UNC5A: variants seen among roughly 807,000 people sequenced by gnomAD.
The protein encoded by UNC5A is unc-5 netrin receptor A.
In UNC5A, 20 loss-of-function variants were observed where a neutral mutation model predicts 87.4. The ratio of observed to expected loss-of-function variants is 0.23; its 90% CI spans 0.16 to 0.33. UNC5A has a LOEUF of 0.33. Ranked by LOEUF, UNC5A falls within the 10% of genes least tolerant of loss-of-function variation. The pLI is 1.00. For missense variants in UNC5A, 844 were observed against 1,133.4 expected (o/e 0.74, Z 3.67); for synonymous variants, 438 against 482.3 (o/e 0.91, Z 1.20).
At position 176,869,441 on chromosome 5, in the gene UNC5A, G is replaced by A. The variant is rs1758056615; in HGVS notation, c.721+477G>A. ...GAAGACTGTGGCGTGCGTGCTGCAG[G>A]GCCCGGGGGCCAGCAGGCACGAGCA... On this transcript the variant is annotated intron_variant, in intron 5 of 14. Transcript: ENST00000329542. This position sits in a 1 kb window ranked among gnomAD's most constrained non-coding sequence, Gnocchi z 9.1. Among the ~76,000 whole-genome samples the A allele has an allele frequency of 2.0e-5, 3 of 152,112 alleles. No homozygotes were observed. The highest frequency in any genetic ancestry group is 2.0e-4 in the Admixed American group (3 of 15,290).
intron 9 of UNC5A, 32 bp from the exon 10 acceptor site, chr5:176,877,503 T>C: frequency 4.5e-6 from 7 of 1,559,392 alleles, no homozygotes; most frequent in Non-Finnish European, 6.1e-6. Context: ...CACTGACACC[T>C]TTCCCTCCCC....
intron 1 of UNC5A, among the ~76,000 whole-genome samples, chr5:176,847,893 A>G (rs1315239448): frequency 8.8e-6 from 1 of 113,620 alleles, no homozygotes; most frequent in Non-Finnish European, 1.7e-5. Context: ...CTGCCCTTCC[A>G]CAGCCCAGAT....
rs779395444 is a variant in UNC5A at position 176,879,415 on chromosome 5, A to G, written c.2290A>G (p.Ile764Val). 6.2e-7 allele frequency: 1 copy of G among 1,612,604 alleles called. No individual in the cohort carries two copies. The highest frequency in any genetic ancestry group is 1.3e-5 in the African/African-American group (1 of 74,908). ...KIPFLIRQKIISSLDPPCRRG... is the reference protein window; with the variant it reads ...KIPFLIRQKIVSSLDPPCRRG... ...CCCCTTCCTCATTCGGCAGAAGATA[A>G]TTTCCAGCCTGGACCCACCCTGTAG... is the stretch of plus-strand genomic sequence containing the variant. The change falls in exon 14 of 15, where the codon ATT becomes GTT. Residue 764 changes from isoleucine (I) to valine (V), a missense_variant. Transcript: ENST00000329542.
Position 176,874,703 on chromosome 5 carries a change from C to A in UNC5A, c.1378+137C>A. 9.6e-7 allele frequency: 1 copy of A among 1,045,606 alleles called. No individual in the cohort carries two copies. Among genetic ancestry groups the A allele is most frequent in the Non-Finnish European group, 1.3e-6 (1 of 755,104 alleles). 64.8% of individuals were successfully genotyped at this position (1,045,606 alleles called of 1,614,324 possible). A position where few individuals can be genotyped will look rare whatever the true frequency, so the allele number is the denominator to read the frequency against. ...AAGGGGGTGGAGTTTTGGGGAGAAC[C>A]CAGTCTTGGCTGGCACCGAGGCCGT... On this transcript the variant is annotated intron_variant, in intron 8 of 14. Coordinates refer to ENST00000329542, the MANE Select transcript of UNC5A (RefSeq NM_133369.3). This position sits in a 1 kb window ranked among gnomAD's most constrained non-coding sequence, Gnocchi z 7.6.
intron 6 of UNC5A, among the ~76,000 whole-genome samples, chr5:176,873,750 G>T (rs1224301656): frequency 6.6e-6 from 1 of 152,194 alleles, no homozygotes; most frequent in Non-Finnish European, 1.5e-5. Flanking sequence ...AGCCCACGAG[G>T]AATGTGATTT....
intron 1 of UNC5A, among the ~76,000 whole-genome samples, chr5:176,827,448 G>T (rs561393758): frequency 1.1e-4 from 17 of 152,284 alleles, no homozygotes; most frequent in Non-Finnish European, 2.4e-4. Flanking sequence ...CTCCCAAAGT[G>T]CTGGGATTAC....
rs560017554 is a variant in UNC5A at position 176,826,825 on chromosome 5, G to A, written c.70+16005G>A. On this transcript the variant is annotated intron_variant, in intron 1 of 14. Transcript: ENST00000329542. The stretch of plus-strand genomic sequence containing the variant: ...CCAGCTATTTTTTGTATTTTTGGTA[G>A]AGACGGGATTTCACTGTGTTTGCCA... 3.3e-5 allele frequency among the ~76,000 whole-genome samples: 5 copies of A among 152,076 alleles called. No individual in the cohort carries two copies. The East Asian group carries it at 9.7e-4, about 29-fold the overall frequency.
chr5:176,831,883 C>CTTTTTTTTTTTTTTT (rs1285414321), intron 1 of UNC5A, among the ~76,000 whole-genome samples: 2 of 115,312 alleles, frequency 1.7e-5, no homozygotes, highest in African/African-American at 7.3e-5. Context: ...CTTTCTCTCT[C>CTTTTTTTTTTTTTTT]TCTTTTTTTT....
At chr5:176,855,647 A>G (rs555729293) in intron 1 of UNC5A, among the ~76,000 whole-genome samples, 1 of 152,356 alleles carries the variant, frequency 6.6e-6, no homozygotes, top group African/African-American at 2.4e-5. Context: ...CGAGGCCAGC[A>G]GGGCCTCAAA....
In UNC5A at chr5:176,869,024, A is replaced by G; in HGVS notation, c.721+60A>G. Reference sequence around the variant, plus strand: ...CACTGCGGTGCCCCTGGGCAGTGACATGTGGCTGGTGGGGTGAAGAGAGGC... The same window carrying G: ...CACTGCGGTGCCCCTGGGCAGTGACGTGTGGCTGGTGGGGTGAAGAGAGGC... On this transcript the variant is annotated intron_variant, in intron 5 of 14. Transcript: ENST00000329542. This position sits in a 1 kb window ranked among gnomAD's most constrained non-coding sequence, Gnocchi z 9.1. The G allele has an allele frequency of 6.6e-7, 1 of 1,521,096 alleles. No homozygotes were observed. Among genetic ancestry groups the G allele is most frequent in the Non-Finnish European group, 8.8e-7 (1 of 1,132,072 alleles). The allele number at this position is 1,521,096 out of a possible 1,614,324, so 94.2% of individuals were successfully genotyped here.
intron 1 of UNC5A, among the ~76,000 whole-genome samples, chr5:176,827,013 C>T (rs2113597814): frequency 6.6e-6 from 1 of 152,106 alleles, no homozygotes; most frequent in East Asian, 1.9e-4. Flanking sequence ...CAGCCCCTGG[C>T]AAACAGCAAC....
At chr5:176,828,645 G>A (rs692843) in intron 1 of UNC5A, among the ~76,000 whole-genome samples, 114,490 of 152,202 alleles carry the variant, frequency 0.75, 49,725 homozygotes, top group Non-Finnish European at 0.95. Context: ...TCTTCATGGC[G>A]TTTATCCACA....
At position 176,810,712 on chromosome 5, in the gene UNC5A, G is replaced by A. The variant is rs1302981681; in HGVS notation, c.-39G>A. On this transcript the variant is annotated 5_prime_UTR_variant, in exon 1 of 15. Coordinates refer to ENST00000329542, the MANE Select transcript of UNC5A (RefSeq NM_133369.3). The surrounding 1 kb of genome is among the most constrained non-coding windows in gnomAD (Gnocchi z 7.3). ...GCTAAAGCCGCCCTCCCGCCCGCGG[G>A]GCCCCGCGCCCGGCCCGCCCGCCTG... 2 of 927,808 alleles carry A rather than the reference G, an allele frequency of 2.2e-6. No homozygotes were observed. The highest frequency in any genetic ancestry group is 7.9e-5 in the East Asian group (1 of 12,626). 57.5% of individuals were successfully genotyped at this position (927,808 alleles called of 1,614,324 possible). A position where few individuals can be genotyped will look rare whatever the true frequency, so the allele number is the denominator to read the frequency against.
At position 176,874,035 on chromosome 5, in the gene UNC5A, G is replaced by C. The variant is rs771431890; in HGVS notation, c.954G>C (p.Leu318=). ...GLIAVAVCLV[L]LLLVLILVYC... ...TCGCCGTGGCCGTCTGCCTGGTCCT[G>C]CTGCTGCTTGTCCTCATCCTCGTTT... The change falls in exon 7 of 15, where the codon CTG becomes CTC. Residue 318 remains leucine (L), a synonymous_variant. Coordinates refer to ENST00000329542, the MANE Select transcript of UNC5A (RefSeq NM_133369.3). The surrounding 1 kb of genome is among the most constrained non-coding windows in gnomAD (Gnocchi z 7.6). 1.2e-6 allele frequency: 2 copies of C among 1,614,062 alleles called. No individual in the cohort carries two copies. Among genetic ancestry groups the C allele is most frequent in the Non-Finnish European group, 1.7e-6 (2 of 1,179,972 alleles).
At chr5:176,829,881 C>CTTTTTTT (rs70991576) in intron 1 of UNC5A, among the ~76,000 whole-genome samples, 1 of 87,320 alleles carries the variant, frequency 1.1e-5, no homozygotes, top group African/African-American at 3.3e-5. Flanking sequence ...ATCACTGCTC[C>CTTTTTTT]TTTTTTTTTT....
Position 176,869,820 on chromosome 5 carries a change from C to T in UNC5A, c.722-550C>T, listed in dbSNP as rs766877576. The T allele has an allele frequency of 8.4e-5, 49 of 582,724 alleles. No individual in the cohort carries two copies. Among genetic ancestry groups the T allele is most frequent in the African/African-American group, 1.1e-4 (6 of 52,546 alleles). 36.1% of individuals were successfully genotyped at this position (582,724 alleles called of 1,614,324 possible). On this transcript the variant is annotated intron_variant, in intron 5 of 14. Coordinates refer to ENST00000329542, the MANE Select transcript of UNC5A (RefSeq NM_133369.3). The surrounding 1 kb of genome is among the most constrained non-coding windows in gnomAD (Gnocchi z 9.1). ...CCGCCTCCCGCATCGTTCCTCACCA[C>T]GCCATCTCCGTGCCCTGGCTCCATC... is the stretch of plus-strand genomic sequence containing the variant.
intron 1 of UNC5A, among the ~76,000 whole-genome samples, chr5:176,852,879 G>A (rs928876782): frequency 1.3e-5 from 2 of 152,276 alleles, no homozygotes; most frequent in African/African-American, 4.8e-5. Flanking sequence ...GCTGGGACCG[G>A]TGGCAAGACA....
intron 1 of UNC5A, among the ~76,000 whole-genome samples, chr5:176,830,348 GC>G (rs1206948426): frequency 6.6e-6 from 1 of 152,148 alleles, no homozygotes; most frequent in Non-Finnish European, 1.5e-5. Flanking sequence ...TGCGGTGTGC[GC>G]CTGCTTGTAT....
intron 1 of UNC5A, among the ~76,000 whole-genome samples, chr5:176,830,838 G>C (rs1232453448): frequency 6.1e-5 from 9 of 148,556 alleles, no homozygotes; most frequent in African/African-American, 2.2e-4. Context: ...GTATGTGCTG[G>C]CATGTGTGTG....
Sources: allele counts gnomAD v4.1 joint callset (sites outside exome capture counted in the v4.1 genomes callset), GRCh38; gene constraint gnomAD v4.1.1; non-coding constraint Gnocchi (gnomAD v3.1); transcripts MANE v1.5; gene names NCBI Gene and HGNC (gene_info 2026-07-23, HGNC 2026-07-21).